SH3GL2: variants seen among roughly 807,000 people sequenced by gnomAD.
SH3GL2 encodes endophilin-A1.
Under a neutral mutation model 46.0 loss-of-function variants are expected in SH3GL2, and 24 were observed. The ratio of observed to expected loss-of-function variants is 0.52; its 90% CI spans 0.38 to 0.73. SH3GL2 has a LOEUF of 0.73. SH3GL2 is among the 30% of genes least tolerant of loss of function. SH3GL2 has a pLI of 0.00. For missense variants in SH3GL2, 413 were observed against 424.2 expected (o/e 0.97, Z 0.23); for synonymous variants, 196 against 147.1 (o/e 1.33, Z -2.40).
intron 2 of SH3GL2, among the ~76,000 whole-genome samples, chr9:17,759,595 T>A (rs142029277): frequency 6.2e-4 from 94 of 152,264 alleles, no homozygotes; most frequent in African/African-American, 2.2e-3. Context: ...TTTGTGAGCA[T>A]TGAGTGTGTA....
chr9:17,696,366 C>G (rs1368929536), intron 1 of SH3GL2, among the ~76,000 whole-genome samples: 1 of 152,060 alleles, frequency 6.6e-6, no homozygotes, highest in Non-Finnish European at 1.5e-5. Flanking sequence ...AGAAAGTATT[C>G]CTGGATGTAT....
chr9:17,656,124 A>G lies in SH3GL2; in HGVS notation c.45+76837A>G, dbSNP rs143811590. On this transcript the variant is annotated intron_variant, in intron 1 of 8. Coordinates refer to ENST00000380607, the MANE Select transcript of SH3GL2 (RefSeq NM_003026.5). ...AATTGATTTATCGTCTACTTAGGCA[A>G]TACTCCAATTTCTTTATTTTCTATG... 1.3e-3 allele frequency among the ~76,000 whole-genome samples: 194 copies of G among 152,282 alleles called. 6 individuals carry two copies. In the East Asian group the frequency reaches 0.027, roughly 21 times the overall value.
At chr9:17,619,833 G>C (rs985372941) in intron 1 of SH3GL2, among the ~76,000 whole-genome samples, 3 of 151,794 alleles carry the variant, frequency 2.0e-5, no homozygotes, top group African/African-American at 7.3e-5. Context: ...TATTTCTTTA[G>C]AGAATGTTTT....
Position 17,784,354 on chromosome 9 carries a change from A to G in SH3GL2, c.188-2027A>G, listed in dbSNP as rs78429708. Among the ~76,000 whole-genome samples, 40 of 152,316 alleles carry G rather than the reference A, an allele frequency of 2.6e-4. 1 individual carries two copies. The East Asian group carries it at 7.3e-3, about 28-fold the overall frequency. On this transcript the variant is annotated intron_variant, in intron 3 of 8. Coordinates refer to ENST00000380607, the MANE Select transcript of SH3GL2 (RefSeq NM_003026.5). ...GAGCCAAGATATAAGCACTTACCAC[A>G]TCCAGCTTTTATAAAAGGAATGCAT...
intron 3 of SH3GL2, among the ~76,000 whole-genome samples, chr9:17,776,043 A>G (rs1312132047): frequency 6.6e-6 from 1 of 152,162 alleles, no homozygotes; most frequent in African/African-American, 2.4e-5. Flanking sequence ...TTCCCAAAAT[A>G]CTGCCATCAT....
intron 8 of SH3GL2, among the ~76,000 whole-genome samples, chr9:17,793,735 T>A (rs1824197693): frequency 6.6e-6 from 1 of 152,246 alleles, no homozygotes; most frequent in Non-Finnish European, 1.5e-5. Flanking sequence ...TATATCCCAT[T>A]TTCTCTGTCA....
chr9:17,648,202 C>A (rs1255579099), intron 1 of SH3GL2, among the ~76,000 whole-genome samples: 2 of 152,140 alleles, frequency 1.3e-5, no homozygotes, highest in African/African-American at 4.8e-5. Flanking sequence ...TTTTCAACTA[C>A]ACAAGGGGAT....
intron 1 of SH3GL2, among the ~76,000 whole-genome samples, chr9:17,582,976 A>G (rs1818305439): frequency 1.3e-5 from 2 of 152,202 alleles, no homozygotes; most frequent in African/African-American, 4.8e-5. Context: ...GGGCAAGCCC[A>G]TCCTACTCCA....
chr9:17,662,495 T>C (rs369819044), intron 1 of SH3GL2, among the ~76,000 whole-genome samples: 1 of 152,170 alleles, frequency 6.6e-6, no homozygotes. Context: ...TTGTTATTAT[T>C]GAGCAACCTT....
In SH3GL2 at chr9:17,638,324, T is replaced by C. The variant is rs1819594597; in HGVS notation, c.45+59037T>C. Among the ~76,000 whole-genome samples the C allele has an allele frequency of 3.9e-5, 6 of 152,322 alleles. No homozygotes were observed. The South Asian group carries it at 1.0e-3, about 26-fold the overall frequency. On this transcript the variant is annotated intron_variant, in intron 1 of 8. Transcript: ENST00000380607. ...TATGTATCTATTATCCAGATATTTA[T>C]TGGGTTCCTGCTGTATTCCAGGCCC...
intron 1 of SH3GL2, among the ~76,000 whole-genome samples, chr9:17,680,615 G>C (rs1352056367): frequency 6.6e-6 from 1 of 151,848 alleles, no homozygotes; most frequent in African/African-American, 2.4e-5. Flanking sequence ...AGGGTTTTTT[G>C]TGTCTCTATC....
At chr9:17,673,194 G>A (rs181614725) in intron 1 of SH3GL2, among the ~76,000 whole-genome samples, 2 of 151,874 alleles carry the variant, frequency 1.3e-5, no homozygotes, top group Admixed American at 1.3e-4. Flanking sequence ...TGTCACCCAG[G>A]CTGGAATGCA....
chr9:17,751,774 G>GT (rs1255926960), intron 2 of SH3GL2, among the ~76,000 whole-genome samples: 4 of 152,118 alleles, frequency 2.6e-5, no homozygotes, highest in Non-Finnish European at 4.4e-5. Context: ...TGAGCAACAC[G>GT]TATCCCTGAG....
In SH3GL2 at chr9:17,616,043, A is replaced by G. The variant is rs941920482; in HGVS notation, c.45+36756A>G. ...AGGCAGCCTGCATTCAGCTTTCTTC[A>G]GGTTACCTTTATTAATGATGCCCTT... On this transcript the variant is annotated intron_variant, in intron 1 of 8. Coordinates refer to ENST00000380607, the MANE Select transcript of SH3GL2 (RefSeq NM_003026.5). Among the ~76,000 whole-genome samples the G allele has an allele frequency of 2.0e-5, 3 of 152,130 alleles. No homozygotes were observed. In the South Asian group the frequency reaches 6.2e-4, roughly 32 times the overall value.
rs1224238518 is a variant in SH3GL2 at position 17,793,357 on chromosome 9, T to C, written c.729-10T>C. The C allele has an allele frequency of 3.1e-6, 5 of 1,606,126 alleles. No homozygotes were observed. The South Asian group carries it at 3.3e-5, about 11-fold the overall frequency. Reference sequence around the variant, plus strand: ...ACATAACCTTTCCACCACTTTTCTTTTTACTGCAGAATAAGACAGGCTTCA... The same window carrying C: ...ACATAACCTTTCCACCACTTTTCTTCTTACTGCAGAATAAGACAGGCTTCA... On this transcript the variant is annotated splice_polypyrimidine_tract_variant and intron_variant, in intron 7 of 8. Coordinates refer to ENST00000380607, the MANE Select transcript of SH3GL2 (RefSeq NM_003026.5).
At chr9:17,710,637 G>A (rs964154029) in intron 1 of SH3GL2, among the ~76,000 whole-genome samples, 1 of 151,994 alleles carries the variant, frequency 6.6e-6, no homozygotes, top group Admixed American at 6.6e-5. Flanking sequence ...ATAGTCAAAA[G>A]GTGGAAAAAC....
At chr9:17,691,736 A>G (rs1821083912) in intron 1 of SH3GL2, among the ~76,000 whole-genome samples, 1 of 152,182 alleles carries the variant, frequency 6.6e-6, no homozygotes, top group South Asian at 2.1e-4. Context: ...AATTTGTACT[A>G]TTCACTAACA....
At position 17,768,389 on chromosome 9, in the gene SH3GL2, A is replaced by AT. The variant is rs1362933322; in HGVS notation, c.187+6880_187+6881insT. On this transcript the variant is annotated intron_variant, in intron 3 of 8. Coordinates refer to ENST00000380607, the MANE Select transcript of SH3GL2 (RefSeq NM_003026.5). ...CTGTCTCAAAAAAAAAAAAAAAAAAAAACACCAGATTCTTAATCATAACAA... is the reference window on the plus strand; with the variant it reads ...CTGTCTCAAAAAAAAAAAAAAAAAAATAACACCAGATTCTTAATCATAACAA... Among the ~76,000 whole-genome samples, 80 of 151,884 alleles carry AT rather than the reference A, an allele frequency of 5.3e-4. 1 individual carries two copies. Among genetic ancestry groups the AT allele is most frequent in the Admixed American group, 1.5e-3 (23 of 15,252 alleles).
chr9:17,795,301 G>A (rs1034560397), intron 8 of SH3GL2, among the ~76,000 whole-genome samples: 1 of 152,190 alleles, frequency 6.6e-6, no homozygotes, highest in Non-Finnish European at 1.5e-5. Context: ...ACTGGAAACA[G>A]AAACAGGAAT....
Sources: allele counts gnomAD v4.1 joint callset (sites outside exome capture counted in the v4.1 genomes callset), GRCh38; gene constraint gnomAD v4.1.1; transcripts MANE v1.5; gene names NCBI Gene and HGNC (gene_info 2026-07-23, HGNC 2026-07-21).